RYR1: variants seen among roughly 807,000 people sequenced by gnomAD.
RYR1 encodes the protein central core disease of muscle.
In RYR1, 342 loss-of-function variants were observed where a neutral mutation model predicts 583.5. The ratio of observed to expected loss-of-function variants is 0.59; its 90% CI spans 0.54 to 0.64. The LOEUF (loss-of-function observed/expected upper bound fraction) is 0.64, where lower values mean the gene tolerates loss of function less well. RYR1 is among the 30% of genes least tolerant of loss of function. The probability of loss-of-function intolerance (pLI) is 0.00; values close to 1 mark genes in which losing one functional copy is unlikely to be tolerated. For missense variants in RYR1, 6,032 were observed against 6,917.2 expected, an observed-to-expected ratio of 0.87 and a Z score of 4.54; for synonymous variants, 2,791 against 2,822.5, an observed-to-expected ratio of 0.99 and a Z score of 0.35.
chr19:38,568,368 G>A (rs550972769), intron 93 of RYR1, among the ~76,000 whole-genome samples: 1 of 152,252 alleles, frequency 6.6e-6, no homozygotes, highest in African/African-American at 2.4e-5. Flanking sequence ...AGGCCAGGAA[G>A]AAGGGTGGGT....
intron 89 of RYR1, among the ~76,000 whole-genome samples, chr19:38,550,008 G>A (rs967663503): frequency 2.7e-5 from 4 of 150,792 alleles, no homozygotes; most frequent in East Asian, 1.9e-4. Context: ...TGCCTGCCTC[G>A]GCCTCCCAAA....
At chr19:38,478,863 G>A (rs1179567298) in intron 31 of RYR1, among the ~76,000 whole-genome samples, 1 of 152,182 alleles carries the variant, frequency 6.6e-6, no homozygotes, top group Non-Finnish European at 1.5e-5. Flanking sequence ...CGCCTCCTGG[G>A]TTAGAGGGAT....
In RYR1 at chr19:38,457,506, G is replaced by C. The variant is rs745511934; in HGVS notation, c.1801G>C (p.Val601Leu). 1.2e-6 allele frequency: 2 copies of C among 1,614,020 alleles called. No homozygotes were observed. The highest frequency in any genetic ancestry group is 1.7e-6 in the Non-Finnish European group (2 of 1,179,994). The change falls in exon 17 of 106, where the codon GTG (valine) becomes CTG (leucine). Residue 601 changes from valine (V) to leucine (L), a missense_variant. Val to Leu is a conservative substitution (Grantham distance 32). Transcript: ENST00000359596. The part of the protein sequence containing the change: ...KHGRNHKVLD[V>L]LCSLCVCNGV... Reference sequence around the variant, plus strand: ...TGACCTTGACCTCTAGGTCCTGGACGTGCTATGCTCCCTGTGTGTGTGTAA... The same window carrying C: ...TGACCTTGACCTCTAGGTCCTGGACCTGCTATGCTCCCTGTGTGTGTGTAA...
chr19:38,562,367 G>T (rs1414625256), intron 90 of RYR1, among the ~76,000 whole-genome samples: 1 of 151,824 alleles, frequency 6.6e-6, no homozygotes, highest in African/African-American at 2.4e-5. Context: ...GCTGACATAT[G>T]GTTCCCCTCC....
Position 38,444,665 on chromosome 19 carries a change from C to T in RYR1, c.619C>T (p.Arg207Cys), listed in dbSNP as rs748140394. ...TLWNMNPICS[R>C]CEEGFVTGGH... ...ATGGAACATGAACCCCATCTGCTCC[C>T]GCTGCGAAGAGGGTGAGGGCCCCAG... Residue 207 changes from arginine to cysteine, a missense_variant, in exon 7 of 106, where the codon CGC becomes TGC. By Grantham distance (180) the Arg-to-Cys change is radical. Transcript: ENST00000359596. The surrounding 1 kb of genome is among the most constrained non-coding windows in gnomAD (Gnocchi z 5.1). 12 of 1,613,178 alleles carry T rather than the reference C, an allele frequency of 7.4e-6. No homozygotes were observed. The highest frequency in any genetic ancestry group is 1.0e-5 in the Non-Finnish European group (12 of 1,179,596).
intron 105 of RYR1, 152 bp from the exon 106 acceptor site, chr19:38,587,173 C>T (rs550143988): frequency 1.1e-5 from 7 of 652,930 alleles, no homozygotes; most frequent in South Asian, 1.0e-4. Context: ...GGTGGAGAAT[C>T]GCTTGAGCCA....
In RYR1 at chr19:38,505,296, C is replaced by T. The variant is rs1600846904; in HGVS notation, c.8311-13C>T. 1 of 1,591,316 alleles carries T rather than the reference C, an allele frequency of 6.3e-7. No individual in the cohort carries two copies. The highest frequency in any genetic ancestry group is 8.6e-7 in the Non-Finnish European group (1 of 1,161,672). ...GCTGCCTCCCCCTCACCCTGCCTCCCCTCCATCTCTAGATCCAGAACAACT... is the reference window on the plus strand; with the variant it reads ...GCTGCCTCCCCCTCACCCTGCCTCCTCTCCATCTCTAGATCCAGAACAACT... On this transcript the variant is annotated splice_polypyrimidine_tract_variant and intron_variant, in intron 52 of 105. Transcript: ENST00000359596.
chr19:38,492,545 C>T lies in RYR1; in HGVS notation c.6183C>T (p.Ser2061=), dbSNP rs753252394. 7.4e-6 allele frequency: 12 copies of T among 1,613,968 alleles called. No individual in the cohort carries two copies. In the Admixed American group the frequency reaches 8.3e-5, roughly 11 times the overall value. ...CAGAGGAAGAGACCACCCTGGGCAG[C>T]CGCCTCATGAGCCTGTTGGAGAAAG... ...EEPEEETTLG[S]RLMSLLEKVR... is the part of the protein sequence containing the mutation. Residue 2061 remains serine (S), a synonymous_variant, in exon 38 of 106, where the codon AGC becomes AGT. Transcript: ENST00000359596.
intron 58 of RYR1, 141 bp from the exon 59 acceptor site, chr19:38,510,357 C>A: frequency 1.2e-6 from 1 of 834,990 alleles, no homozygotes; most frequent in Non-Finnish European, 2.0e-6. Flanking sequence ...AAAGGTTTAT[C>A]TCAAAGCCAA....
chr19:38,528,261 G>A lies in RYR1; in HGVS notation c.10825-45G>A, dbSNP rs139337159. 24,702 of 1,526,518 alleles carry A rather than the reference G, an allele frequency of 0.016. 264 individuals are homozygous for A. The highest frequency in any genetic ancestry group is 0.02 in the Non-Finnish European group (21,811 of 1,103,668). The allele number at this position is 1,526,518 out of a possible 1,614,324, so 94.6% of individuals were successfully genotyped here. A position where few individuals can be genotyped will look rare whatever the true frequency, so the allele number is the denominator to read the frequency against. ...GTTTCATCCAGGGCTGGGAGTGAGA[G>A]GGGCAGGGTCTGGGGATGTGACTGT... On this transcript the variant is annotated intron_variant, in intron 73 of 105. Coordinates refer to ENST00000359596, the MANE Select transcript of RYR1 (RefSeq NM_000540.3).
rs138865010 is a variant in RYR1, at chr19:38,570,734, A to G, written c.13746+41A>G. ...GGCTGGGAGGGTCAGGCCCTTTTCC[A>G]TGCTGTGGGATGGGAGGCTCAGCCC... On this transcript the variant is annotated intron_variant, in intron 94 of 105. Coordinates refer to ENST00000359596, the MANE Select transcript of RYR1 (RefSeq NM_000540.3). The G allele has an allele frequency of 2.6e-4, 378 of 1,477,516 alleles. 1 individual carries two copies. The African/African-American group carries it at 4.6e-3, about 18-fold the overall frequency. 91.5% of individuals were successfully genotyped at this position (1,477,516 alleles called of 1,614,324 possible).
Position 38,517,360 on chromosome 19 carries a change from C to A in RYR1, c.9687C>A (p.Ile3229=). 1 of 1,613,346 alleles carries A rather than the reference C, an allele frequency of 6.2e-7. No homozygotes were observed. Residue 3229 remains isoleucine, a splice_region_variant and synonymous_variant, in exon 66 of 106, where the codon ATC becomes ATA. Coordinates refer to ENST00000359596, the MANE Select transcript of RYR1 (RefSeq NM_000540.3). The part of the protein sequence containing the change: ...YTTKSPRERA[I]LGLPNSVEEM... ...CCTGCCCCCGTCCCTGTACCCCAGTCCTGGGGCTCCCCAACAGTGTGGAGG... is the reference window on the plus strand; with the variant it reads ...CCTGCCCCCGTCCCTGTACCCCAGTACTGGGGCTCCCCAACAGTGTGGAGG...
chr19:38,462,970 C>T (rs1383734575), intron 20 of RYR1, among the ~76,000 whole-genome samples: 1 of 134,954 alleles, frequency 7.4e-6, no homozygotes, highest in Non-Finnish European at 1.5e-5. Context: ...AATCTTGGCT[C>T]ACTGCAACCT....
intron 79 of RYR1, 65 bp downstream of exon 79, chr19:38,534,884 C>T (rs376980074): frequency 2.6e-6 from 4 of 1,524,242 alleles, no homozygotes; most frequent in Admixed American, 1.9e-5. Context: ...CCTCCTGGCT[C>T]GCCCATTCCC....
At chr19:38,434,910 G>C (rs576649137) in intron 1 of RYR1, among the ~76,000 whole-genome samples, 1 of 152,304 alleles carries the variant, frequency 6.6e-6, no homozygotes, top group Non-Finnish European at 1.5e-5. Flanking sequence ...CTGGCGAGCC[G>C]GGTCCGGTTT....
In RYR1 at chr19:38,451,826, G is replaced by A; in HGVS notation, c.1185G>A (p.Glu395=). ...DALSLTRCQQ[E]ESQAARMIHS... ...TGTCGCTGACCCGCTGCCAGCAGGAGGAGTCCCAGGCCGCCCGCATGATCC... is the reference window on the plus strand; with the variant it reads ...TGTCGCTGACCCGCTGCCAGCAGGAAGAGTCCCAGGCCGCCCGCATGATCC... The change falls in exon 12 of 106, where the codon GAG becomes GAA. Residue 395 remains glutamate (E), a synonymous_variant. Transcript: ENST00000359596. The A allele has an allele frequency of 6.2e-7, 1 of 1,614,128 alleles. No homozygotes were observed. Among genetic ancestry groups the A allele is most frequent in the Non-Finnish European group, 8.5e-7 (1 of 1,180,016 alleles).
chr19:38,510,240 G>T (rs1360946808), intron 58 of RYR1, among the ~76,000 whole-genome samples: 1 of 152,064 alleles, frequency 6.6e-6, no homozygotes, highest in Non-Finnish European at 1.5e-5. Flanking sequence ...AGAATCGCTT[G>T]AACTCAGGAG....
chr19:38,543,802 C>G lies in RYR1; in HGVS notation c.11939C>G (p.Ala3980Gly). 6.2e-7 allele frequency: 1 copy of G among 1,613,810 alleles called. No homozygotes were observed. ...TGCACCGGGAACCAGCAGAGCCTGG[C>G]GCACAGTCGCCTATGGGACGCAGTG... ...GPCTGNQQSL[A>G]HSRLWDAVVG... Residue 3980 changes from alanine to glycine, a missense_variant, in exon 87 of 106, where the codon GCG (alanine) becomes GGG (glycine). Ala to Gly is a moderately conservative substitution (Grantham distance 60). Transcript: ENST00000359596. This position sits in a 1 kb window ranked among gnomAD's most constrained non-coding sequence, Gnocchi z 4.4.
rs532463629 is a variant in RYR1, at chr19:38,539,866, G to A, written c.11689+1906G>A. Among the ~76,000 whole-genome samples the A allele has an allele frequency of 3.3e-5, 5 of 152,100 alleles. No homozygotes were observed. The East Asian group carries it at 5.8e-4, about 18-fold the overall frequency. On this transcript the variant is annotated intron_variant, in intron 84 of 105. Transcript: ENST00000359596. ...TGCCAGAATTTTTTTTACAGGAGCT[G>A]TGTATCTTTTATTTTTGCATATAGC...
Sources: gnomAD v4.1 joint callset for allele counts (sites outside exome capture counted in the v4.1 genomes callset) on GRCh38, gnomAD v4.1.1 for gene constraint, Gnocchi (gnomAD v3.1) non-coding constraint, MANE v1.5 for transcripts, NCBI Gene and HGNC (gene_info 2026-07-23, HGNC 2026-07-21) for gene names.